SPAG16: variants seen among roughly 807,000 people sequenced by gnomAD.
The protein encoded by SPAG16 is sperm-associated antigen 16 protein.
A neutral mutation model predicts 80.4 loss-of-function variants in SPAG16; 86 were observed. That is an observed-to-expected ratio of 1.07 (90% CI 0.90 to 1.28). The LOEUF is 1.28. SPAG16 is among the 50% of genes most tolerant of loss of function. The pLI, the probability that SPAG16 is intolerant of heterozygous loss-of-function variation, is 0.00. For missense variants in SPAG16, 870 were observed against 765.3 expected, an observed-to-expected ratio of 1.14 and a Z score of -1.61; for synonymous variants, 294 against 265.9, an observed-to-expected ratio of 1.11 and a Z score of -1.03.
intron 12 of SPAG16, among the ~76,000 whole-genome samples, chr2:213,988,217 A>G (rs1285896688): frequency 1.3e-5 from 2 of 152,136 alleles, no homozygotes; most frequent in East Asian, 1.9e-4. Flanking sequence ...GTCAGTAAAG[A>G]TATAGAACTT....
At chr2:213,601,274 G>A (rs895259367) in intron 10 of SPAG16, among the ~76,000 whole-genome samples, 1 of 152,158 alleles carries the variant, frequency 6.6e-6, no homozygotes, top group South Asian at 2.1e-4. Flanking sequence ...CCAGAAAAGG[G>A]AATTTCAGAG....
intron 5 of SPAG16, among the ~76,000 whole-genome samples, chr2:213,334,229 A>T (rs1166824003): frequency 6.6e-6 from 1 of 152,222 alleles, no homozygotes; most frequent in African/African-American, 2.4e-5. Flanking sequence ...ATTGATCATC[A>T]GGCAAATATC....
intron 10 of SPAG16, among the ~76,000 whole-genome samples, chr2:213,508,015 A>G (rs1362536386): frequency 1.3e-5 from 2 of 152,226 alleles, no homozygotes; most frequent in Non-Finnish European, 2.9e-5. Context: ...AATTGAAACA[A>G]TAGCCATCAC....
At chr2:214,067,856 A>G (rs2058991) in intron 13 of SPAG16, among the ~76,000 whole-genome samples, 19,069 of 152,152 alleles carry the variant, frequency 0.13, 1,349 homozygotes, top group Non-Finnish European at 0.16. Context: ...GTCTGACACC[A>G]TGTTAGCTGT....
At chr2:213,946,635 G>A (rs1316734861) in intron 12 of SPAG16, among the ~76,000 whole-genome samples, 1 of 152,052 alleles carries the variant, frequency 6.6e-6, no homozygotes, top group East Asian at 1.9e-4. Flanking sequence ...TCAAAATTAG[G>A]AAATTTGAAA....
intron 13 of SPAG16, among the ~76,000 whole-genome samples, chr2:214,016,598 A>T (rs1207860821): frequency 1.3e-5 from 2 of 152,182 alleles, no homozygotes; most frequent in Non-Finnish European, 2.9e-5. Flanking sequence ...AGATCAAATA[A>T]AGGATCCTCC....
chr2:214,220,251 C>A (rs1218394212), intron 15 of SPAG16, among the ~76,000 whole-genome samples: 1 of 152,020 alleles, frequency 6.6e-6, no homozygotes, highest in African/African-American at 2.4e-5. Context: ...TATATCTAAT[C>A]TGCTTATAAC....
chr2:213,531,698 A>G lies in SPAG16; in HGVS notation c.1070+41608A>G, dbSNP rs1057091421. Among the ~76,000 whole-genome samples, 8 of 152,282 alleles carry G rather than the reference A, an allele frequency of 5.3e-5. No homozygotes were observed. In the South Asian group the frequency reaches 6.2e-4, roughly 12 times the overall value. ...GTGTAGCTTCATTTTTCTGTTTGAT[A>G]TAATGAAGACTTCAGTCTGTCTTCA... On this transcript the variant is annotated intron_variant, in intron 10 of 15. Transcript: ENST00000331683.
intron 15 of SPAG16, among the ~76,000 whole-genome samples, chr2:214,403,136 C>G (rs765098947): frequency 6.6e-6 from 1 of 151,390 alleles, no homozygotes; most frequent in African/African-American, 2.4e-5. Flanking sequence ...GATGCCATCA[C>G]TTACAAGCTG....
chr2:213,621,753 T>C (rs1278991729), intron 10 of SPAG16, among the ~76,000 whole-genome samples: 3 of 152,206 alleles, frequency 2.0e-5, no homozygotes, highest in African/African-American at 7.2e-5. Flanking sequence ...TTTTTGAATC[T>C]TTAGAATATT....
At chr2:214,120,944 C>T (rs1410289938) in intron 14 of SPAG16, among the ~76,000 whole-genome samples, 1 of 151,752 alleles carries the variant, frequency 6.6e-6, no homozygotes, top group Non-Finnish European at 1.5e-5. Context: ...AAAAATGAAA[C>T]TTGCTTTCCC....
intron 15 of SPAG16, among the ~76,000 whole-genome samples, chr2:214,393,258 T>C (rs1701189553): frequency 6.6e-6 from 1 of 152,220 alleles, no homozygotes; most frequent in Admixed American, 6.5e-5. Flanking sequence ...TTTGGTTGAA[T>C]GTTACAATAG....
intron 10 of SPAG16, among the ~76,000 whole-genome samples, chr2:213,586,087 C>T (rs1381422524): frequency 6.6e-6 from 1 of 152,094 alleles, no homozygotes; most frequent in Non-Finnish European, 1.5e-5. Flanking sequence ...AACTTAAATT[C>T]TTCTTAGCCA....
intron 12 of SPAG16, among the ~76,000 whole-genome samples, chr2:213,950,734 G>C (rs114790536): frequency 0.012 from 1,401 of 119,348 alleles, 32 homozygotes; most frequent in African/African-American, 0.04. Context: ...CCCTCAAGAC[G>C]GTCTTGCTCT....
At chr2:214,214,973 C>T (rs913334267) in intron 15 of SPAG16, among the ~76,000 whole-genome samples, 8 of 151,842 alleles carry the variant, frequency 5.3e-5, no homozygotes, top group African/African-American at 1.9e-4. Flanking sequence ...CTTTAAAAAA[C>T]GTATCTCTGC....
chr2:213,413,198 C>A (rs2069077549), intron 9 of SPAG16, among the ~76,000 whole-genome samples: 1 of 152,000 alleles, frequency 6.6e-6, no homozygotes, highest in Non-Finnish European at 1.5e-5. Context: ...TGTATGTTTT[C>A]TAGAGAAAAT....
intron 11 of SPAG16, among the ~76,000 whole-genome samples, chr2:213,886,856 A>T (rs2106055420): frequency 6.6e-6 from 1 of 152,260 alleles, no homozygotes; most frequent in East Asian, 1.9e-4. Context: ...ATTTAAAATT[A>T]GAACAATGGA....
At chr2:214,367,622 C>T (rs1699557233) in intron 15 of SPAG16, among the ~76,000 whole-genome samples, 1 of 152,142 alleles carries the variant, frequency 6.6e-6, no homozygotes, top group Non-Finnish European at 1.5e-5. Flanking sequence ...CTTCAGGAAA[C>T]ATAGATAGAC....
intron 13 of SPAG16, among the ~76,000 whole-genome samples, chr2:214,025,415 A>G (rs1400011246): frequency 6.6e-6 from 1 of 151,722 alleles, no homozygotes; most frequent in Non-Finnish European, 1.5e-5. Context: ...AGAAATTACT[A>G]GGAATAAGCT....
Sources: gnomAD v4.1 joint callset for allele counts (sites outside exome capture counted in the v4.1 genomes callset) on GRCh38, gnomAD v4.1.1 for gene constraint, MANE v1.5 for transcripts, NCBI Gene and HGNC (gene_info 2026-07-23, HGNC 2026-07-21) for gene names.